FMN2: variants seen among roughly 807,000 people sequenced by gnomAD.
The protein encoded by FMN2 is formin-2.
A neutral mutation model predicts 142.3 loss-of-function variants in FMN2; 51 were observed. That is an observed-to-expected ratio of 0.36 (90% CI 0.29 to 0.45). FMN2 has a LOEUF of 0.45. Among genes scored for constraint, FMN2 ranks in the 20% least tolerant of loss-of-function variants. The pLI, the probability that FMN2 is intolerant of heterozygous loss-of-function variation, is 1.00. For synonymous variants in FMN2, 882 were observed against 869.8 expected (o/e 1.01, Z -0.25); for missense variants, 1,936 against 2,122.8 (o/e 0.91, Z 1.73).
At chr1:240,104,502 C>T (rs1275558487) in intron 1 of FMN2, among the ~76,000 whole-genome samples, 1 of 152,178 alleles carries the variant, frequency 6.6e-6, no homozygotes, top group Non-Finnish European at 1.5e-5. Flanking sequence ...ATACTCCCTG[C>T]ATTTTCACTT....
At chr1:240,317,861 A>G (rs2102996075) in intron 8 of FMN2, among the ~76,000 whole-genome samples, 1 of 152,168 alleles carries the variant, frequency 6.6e-6, no homozygotes, top group East Asian at 1.9e-4. Context: ...TTCCATTCTC[A>G]GCAGCAATAT....
At chr1:240,235,525 C>G (rs912529166) in intron 6 of FMN2, among the ~76,000 whole-genome samples, 2 of 151,818 alleles carry the variant, frequency 1.3e-5, no homozygotes, top group African/African-American at 2.4e-5. Context: ...GATTCTTCTG[C>G]CTCAGCCTCC....
intron 6 of FMN2, among the ~76,000 whole-genome samples, chr1:240,254,819 AGG>A (rs1047889102): frequency 6.6e-6 from 1 of 152,136 alleles, no homozygotes; most frequent in Non-Finnish European, 1.5e-5. Flanking sequence ...GGAGGATATC[AGG>A]GGAGCCCCGG....
intron 6 of FMN2, among the ~76,000 whole-genome samples, chr1:240,239,769 G>A (rs1667828980): frequency 6.6e-6 from 1 of 152,186 alleles, no homozygotes; most frequent in African/African-American, 2.4e-5. Context: ...AATACCGAAT[G>A]ACCATTTACT....
chr1:240,372,620 A>G (rs1572242036), intron 14 of FMN2, among the ~76,000 whole-genome samples: 1 of 150,222 alleles, frequency 6.7e-6, no homozygotes, highest in Non-Finnish European at 1.5e-5. Flanking sequence ...AACCTAAATC[A>G]CTTTTGGAGG....
intron 1 of FMN2, among the ~76,000 whole-genome samples, chr1:240,101,139 G>A (rs1253108064): frequency 1.3e-5 from 2 of 152,172 alleles, no homozygotes; most frequent in African/African-American, 4.8e-5. Flanking sequence ...TCCTATTAGG[G>A]CACAAGGCAA....
chr1:240,227,713 A>T (rs1667362026), intron 6 of FMN2, among the ~76,000 whole-genome samples: 1 of 152,188 alleles, frequency 6.6e-6, no homozygotes, highest in Non-Finnish European at 1.5e-5. Context: ...TGGTCTTTTC[A>T]ACAAATGGTG....
chr1:240,332,037 C>T (rs1157289083), intron 11 of FMN2, among the ~76,000 whole-genome samples: 2 of 151,916 alleles, frequency 1.3e-5, no homozygotes, highest in Non-Finnish European at 2.9e-5. Flanking sequence ...TCTCTGTGTA[C>T]GTGTGTGTGT....
At chr1:240,329,240 T>C in intron 9 of FMN2, 73 bp downstream of exon 9, 3 of 1,600,520 alleles carry the variant, frequency 1.9e-6, no homozygotes, top group Non-Finnish European at 2.6e-6. Flanking sequence ...AAAATGCAAA[T>C]GCGGTGTCTT....
intron 4 of FMN2, among the ~76,000 whole-genome samples, chr1:240,203,133 T>C (rs1558357208): frequency 6.6e-6 from 1 of 152,158 alleles, no homozygotes. Flanking sequence ...TGGGTGCTGG[T>C]TTTTTGGCTT....
intron 14 of FMN2, among the ~76,000 whole-genome samples, chr1:240,370,312 T>G (rs1300984395): frequency 6.6e-6 from 1 of 152,144 alleles, no homozygotes; most frequent in Non-Finnish European, 1.5e-5. Context: ...AAATTAGAAG[T>G]CTATCTTGTT....
intron 1 of FMN2, among the ~76,000 whole-genome samples, chr1:240,118,043 A>G (rs1211068346): frequency 1.3e-5 from 2 of 152,194 alleles, no homozygotes; most frequent in Non-Finnish European, 2.9e-5. Context: ...TGATGTATGC[A>G]GAAGAAGAGT....
At chr1:240,428,879 T>C (rs1040583951) in intron 15 of FMN2, among the ~76,000 whole-genome samples, 10 of 152,246 alleles carry the variant, frequency 6.6e-5, no homozygotes, top group Admixed American at 5.2e-4. Flanking sequence ...ATTTTTGTTA[T>C]GATGTTTCTG....
chr1:240,470,981 G>A (rs1202978286), intron 16 of FMN2, among the ~76,000 whole-genome samples: 1 of 152,124 alleles, frequency 6.6e-6, no homozygotes, highest in Non-Finnish European at 1.5e-5. Flanking sequence ...TGATAATGAA[G>A]ATAATTTAAT....
chr1:240,453,103 A>G (rs938093533), intron 16 of FMN2, among the ~76,000 whole-genome samples: 10 of 152,182 alleles, frequency 6.6e-5, no homozygotes, highest in African/African-American at 2.4e-4. Flanking sequence ...GCTGAAGTAA[A>G]TTAAAGGAGA....
At chr1:240,103,695 A>G (rs1661490475) in intron 1 of FMN2, among the ~76,000 whole-genome samples, 2 of 152,018 alleles carry the variant, frequency 1.3e-5, no homozygotes, top group African/African-American at 2.4e-5. Context: ...AGCCTCCTCA[A>G]CATTCTTTTG....
intron 14 of FMN2, among the ~76,000 whole-genome samples, chr1:240,361,232 A>T (rs1313577420): frequency 2.7e-5 from 4 of 149,854 alleles, no homozygotes; most frequent in Admixed American, 6.7e-5. Context: ...AAATGGACAC[A>T]AGCAAATTGG....
At chr1:240,106,166 A>G (rs949983031) in intron 1 of FMN2, among the ~76,000 whole-genome samples, 19 of 152,204 alleles carry the variant, frequency 1.2e-4, no homozygotes, top group African/African-American at 4.6e-4. Context: ...TATCCATTGC[A>G]TACTTTTTCT....
chr1:240,236,475 T>C (rs756279494), intron 6 of FMN2, among the ~76,000 whole-genome samples: 1 of 152,194 alleles, frequency 6.6e-6, no homozygotes, highest in Non-Finnish European at 1.5e-5. Flanking sequence ...AAGAAATACC[T>C]GGGACTGGGT....
Sources: gnomAD v4.1 joint callset for allele counts (sites outside exome capture counted in the v4.1 genomes callset) on GRCh38, gnomAD v4.1.1 for gene constraint, MANE v1.5 for transcripts, NCBI Gene and HGNC (gene_info 2026-07-23, HGNC 2026-07-21) for gene names.